The following SV2C variants were observed in gnomAD, a reference collection of about 807,000 sequenced individuals.
SV2C encodes solute carrier family 22 member B3.
SV2C carries 49 observed loss-of-function variants against 79.7 expected under a neutral mutation model. That is an observed-to-expected ratio of 0.61 (90% CI 0.49 to 0.78). SV2C has a LOEUF of 0.78. SV2C is among the 30% of genes least tolerant of loss of function. The pLI, the probability that SV2C is intolerant of heterozygous loss-of-function variation, is 0.00. For synonymous variants in SV2C, 334 were observed against 333.2 expected, an observed-to-expected ratio of 1.00 and a Z score of -0.03; for missense variants, 833 against 912.9, an observed-to-expected ratio of 0.91 and a Z score of 1.13.
chr5:76,037,290 A>T, the SV2C span, among the ~76,000 whole-genome samples: 6 of 152,296 alleles, frequency 3.9e-5, no homozygotes, highest in Admixed American at 3.9e-4. Flanking sequence ...GCTGGTGAGG[A>T]ACTTCGTTCC....
At chr5:75,966,419 C>A in the SV2C span, among the ~76,000 whole-genome samples, 1 of 152,088 alleles carries the variant, frequency 6.6e-6, no homozygotes, top group Non-Finnish European at 1.5e-5. Flanking sequence ...GGACTTATTT[C>A]CTGGTCCCAA....
At chr5:75,972,770 A>G in the SV2C span, among the ~76,000 whole-genome samples, 17,161 of 152,042 alleles carry the variant, frequency 0.11, 2,839 homozygotes, top group African/African-American at 0.36. Flanking sequence ...TCCGTGTGGC[A>G]ATTCCTCAGG....
At chr5:75,911,500 G>C in the SV2C span, 1 of 762,272 alleles carries the variant, frequency 1.3e-6, no homozygotes, top group Non-Finnish European at 2.2e-6. Flanking sequence ...CTCTGGAGGG[G>C]GTTCAACCAC....
At chr5:75,956,602 T>C in the SV2C span, among the ~76,000 whole-genome samples, 2 of 152,020 alleles carry the variant, frequency 1.3e-5, no homozygotes, top group South Asian at 4.2e-4. Flanking sequence ...TAGCTCGGGT[T>C]GAAAATTAAG....
intron 4 of SV2C, among the ~76,000 whole-genome samples, chr5:76,270,696 C>G (rs527533928): frequency 6.6e-6 from 1 of 151,876 alleles, no homozygotes; most frequent in African/African-American, 2.4e-5. Flanking sequence ...AGATGCGAAG[C>G]CTTTTATGGC....
the SV2C span, among the ~76,000 whole-genome samples, chr5:76,040,897 C>T: frequency 2.0e-5 from 3 of 152,238 alleles, no homozygotes; most frequent in South Asian, 2.1e-4. Flanking sequence ...TAAGAAGTAG[C>T]GGAAGTTGCA....
chr5:76,338,659 CTTTTT>C (rs60550344), downstream of SV2C, among the ~76,000 whole-genome samples: 3 of 119,552 alleles, frequency 2.5e-5, no homozygotes, highest in East Asian at 2.2e-4. Context: ...TTTTCTTTTT[CTTTTT>C]TTTTTTTTTT....
chr5:76,243,352 A>C (rs551928816), intron 4 of SV2C, among the ~76,000 whole-genome samples: 5 of 152,248 alleles, frequency 3.3e-5, no homozygotes, highest in South Asian at 4.1e-4. Flanking sequence ...TATTGAGGGG[A>C]TTTTATTTCC....
In SV2C at chr5:76,301,908, C is replaced by CAAAAAAAAAAAAAAAAAAAAAAA. The variant is rs11436839; in HGVS notation, c.2000+385_2000+386insAAAAAAAAAAAAAAAAAAAAAAA. On this transcript the variant is annotated intron_variant, in intron 12 of 12. Transcript: ENST00000502798. The stretch of plus-strand genomic sequence containing the variant: ...TGGGCAACAGAGTGAGACACCATCT[C>CAAAAAAAAAAAAAAAAAAAAAAA]AAAAAAAAAAAAAAAAAAAAAAGCC... Among the ~76,000 whole-genome samples the CAAAAAAAAAAAAAAAAAAAAAAA allele has an allele frequency of 4.8e-5, 2 of 41,410 alleles. 1 individual carries two copies. Among genetic ancestry groups the CAAAAAAAAAAAAAAAAAAAAAAA allele is most frequent in the Non-Finnish European group, 9.1e-5 (2 of 22,088 alleles). 27.2% of individuals were successfully genotyped at this position (41,410 alleles called of 152,430 possible).
chr5:75,985,146 A>G, the SV2C span, among the ~76,000 whole-genome samples: 1 of 151,924 alleles, frequency 6.6e-6, no homozygotes, highest in Admixed American at 6.6e-5. Context: ...GCTATGTGCA[A>G]AAAGATCACA....
the SV2C span, among the ~76,000 whole-genome samples, chr5:75,971,998 A>G: frequency 3.9e-5 from 6 of 152,116 alleles, no homozygotes; most frequent in Admixed American, 3.9e-4. Flanking sequence ...ATGGAACAGA[A>G]CAGAGCCCTC....
intron 3 of SV2C, among the ~76,000 whole-genome samples, chr5:76,201,745 A>G (rs1744447381): frequency 6.6e-6 from 1 of 152,104 alleles, no homozygotes; most frequent in South Asian, 2.1e-4. Flanking sequence ...GAGGCCGGGT[A>G]CGGTGGCTCA....
At chr5:76,119,529 C>A (rs1721168273) in intron 1 of SV2C, among the ~76,000 whole-genome samples, 1 of 152,052 alleles carries the variant, frequency 6.6e-6, no homozygotes, top group African/African-American at 2.4e-5. Context: ...GGACAGTCCA[C>A]AACTGCCCTG....
intron 12 of SV2C, among the ~76,000 whole-genome samples, chr5:76,344,822 G>C (rs905828534): frequency 7.9e-5 from 12 of 152,052 alleles, no homozygotes; most frequent in African/African-American, 2.7e-4. Context: ...AATTTAGAAT[G>C]AACTATTTTG....
At chr5:76,151,674 G>A (rs1230002780) in intron 2 of SV2C, among the ~76,000 whole-genome samples, 2 of 152,202 alleles carry the variant, frequency 1.3e-5, no homozygotes, top group Non-Finnish European at 2.9e-5. Context: ...CTTAATACGA[G>A]AGTTCTGAGG....
intron 12 of SV2C, among the ~76,000 whole-genome samples, chr5:76,323,040 T>A (rs1183502646): frequency 2.6e-5 from 4 of 152,138 alleles, no homozygotes; most frequent in Non-Finnish European, 5.9e-5. Flanking sequence ...ACAAATGGGA[T>A]GTAATTAAAC....
chr5:76,125,464 A>G (rs539989652), intron 1 of SV2C, among the ~76,000 whole-genome samples: 2 of 152,288 alleles, frequency 1.3e-5, no homozygotes, highest in African/African-American at 4.8e-5. Context: ...TAAAATGTAT[A>G]ATGAGAACTG....
the SV2C span, among the ~76,000 whole-genome samples, chr5:75,879,087 G>A: frequency 1.6e-4 from 25 of 152,166 alleles, no homozygotes; most frequent in Non-Finnish European, 1.6e-4. Context: ...CAAGGGTATG[G>A]CGCTAAGGCA....
the SV2C span, among the ~76,000 whole-genome samples, chr5:76,005,931 G>A: frequency 1.3e-5 from 2 of 152,120 alleles, no homozygotes; most frequent in Admixed American, 1.3e-4. Flanking sequence ...CTTATCTGCT[G>A]TCTCCCTGCA....
Sources: gnomAD v4.1 joint callset for allele counts (sites outside exome capture counted in the v4.1 genomes callset) on GRCh38, gnomAD v4.1.1 for gene constraint, MANE v1.5 for transcripts, NCBI Gene and HGNC (gene_info 2026-07-23, HGNC 2026-07-21) for gene names.